Variants in GDF7 observed in about 807,000 individuals in gnomAD.
The protein encoded by GDF7 is growth differentiation factor 7.
A neutral mutation model predicts 13.4 loss-of-function variants in GDF7; 12 were observed. The ratio of observed to expected loss-of-function variants is 0.90; its 90% confidence interval spans 0.57 to 1.45. The LOEUF (loss-of-function observed/expected upper bound fraction) is 1.45. Among genes scored for constraint, GDF7 ranks in the 40% most tolerant of loss-of-function variants. GDF7 has a pLI of 0.00. For synonymous variants in GDF7, 330 were observed against 306.4 expected (o/e 1.08, Z -0.80); for missense variants, 651 against 652.4 (o/e 1.00, Z 0.02).
In GDF7 at chr2:20,673,856, C is replaced by T. The variant is rs925848091; in HGVS notation, c.*2431C>T. The T allele has an allele frequency of 8.5e-5, 13 of 152,200 alleles. No homozygotes were observed. The highest frequency in any genetic ancestry group is 2.9e-4 in the African/African-American group (12 of 41,432). 9.4% of individuals were successfully genotyped at this position (152,200 alleles called of 1,614,324 possible). A position where few individuals can be genotyped will look rare whatever the true frequency, so the allele number is the denominator to read the frequency against. ...GGACAGTGACTGTTCCTTCCATGGCCCCATACCCTCAGTGTGCTCTTTGTT... is the reference window on the plus strand; with the variant it reads ...GGACAGTGACTGTTCCTTCCATGGCTCCATACCCTCAGTGTGCTCTTTGTT... On this transcript the variant is annotated 3_prime_UTR_variant, in exon 2 of 2. Coordinates refer to ENST00000272224, the MANE Select transcript of GDF7 (RefSeq NM_182828.4).
At position 20,671,488 on chromosome 2, in the gene GDF7, G is replaced by C. The variant is rs1022732747; in HGVS notation, c.*63G>C. 1 of 1,542,244 alleles carries C rather than the reference G, an allele frequency of 6.5e-7. No individual in the cohort carries two copies. The highest frequency in any genetic ancestry group is 2.3e-5 in the East Asian group (1 of 42,966). On this transcript the variant is annotated 3_prime_UTR_variant, in exon 2 of 2. Transcript: ENST00000272224. Reference sequence around the variant, plus strand: ...ATCCCCAGCTGATGAGCAGCAGCGGGCCACCCTGTCACCGAGCGTGGGTGC... The same window carrying C: ...ATCCCCAGCTGATGAGCAGCAGCGGCCCACCCTGTCACCGAGCGTGGGTGC...
In GDF7 at chr2:20,670,709, G is replaced by A. The variant is rs757919655; in HGVS notation, c.637G>A (p.Val213Met). ...CGGTCAGCGCTGGGAGGCGTTCGAC[G>A]TGGCGGACGCCATGAGGCGCCACCG... is the stretch of plus-strand genomic sequence containing the variant. ...LVGQRWEAFDVADAMRRHRRE... is the reference protein window; with the variant it reads ...LVGQRWEAFDMADAMRRHRRE... The change falls in exon 2 of 2, where the codon GTG becomes ATG. Residue 213 changes from valine (V) to methionine (M), a missense_variant. By Grantham distance (21) the Val-to-Met change is conservative (BLOSUM62 1). This residue lies in a region of GDF7 where 487 missense variants were observed against 445.9 expected (regional missense o/e 1.09). Coordinates refer to ENST00000272224, the MANE Select transcript of GDF7 (RefSeq NM_182828.4). 7 of 1,477,848 alleles carry A rather than the reference G, an allele frequency of 4.7e-6. No individual in the cohort carries two copies. Among genetic ancestry groups the A allele is most frequent in the Admixed American group, 2.3e-5 (1 of 42,616 alleles). 91.5% of individuals were successfully genotyped at this position (1,477,848 alleles called of 1,614,324 possible). A position where few individuals can be genotyped will look rare whatever the true frequency, so the allele number is the denominator to read the frequency against.
At position 20,667,634 on chromosome 2, in the gene GDF7, CT is replaced by C; in HGVS notation, c.391+6del. ...TTCACAGACCAGGCGACCCAAGGTA[CT>C]TACGCCTCTTCTGTGCCCGCCCATC... On this transcript the variant is annotated splice_donor_5th_base_variant and intron_variant, in intron 1 of 1. Coordinates refer to ENST00000272224, the MANE Select transcript of GDF7 (RefSeq NM_182828.4). The surrounding 1 kb of genome is among the most constrained non-coding windows in gnomAD (Gnocchi z 6.4). 1 of 1,468,818 alleles carries C rather than the reference CT, an allele frequency of 6.8e-7. No individual in the cohort carries two copies. Among genetic ancestry groups the C allele is most frequent in the Non-Finnish European group, 9.0e-7 (1 of 1,114,966 alleles). 91.0% of individuals were successfully genotyped at this position (1,468,818 alleles called of 1,614,324 possible).
Position 20,671,080 on chromosome 2 carries a change from C to T in GDF7, c.1008C>T (p.Gly336=), listed in dbSNP as rs763741972. Residue 336 remains glycine, a synonymous_variant, in exon 2 of 2, where the codon GGC becomes GGT. Transcript: ENST00000272224. ...GGACAGCGCAGGGCAGCGGCGGGGG[C>T]GCGGGCCGGGGCCACGGGCGCAGGG... ...GTRTAQGSGG[G]AGRGHGRRGR... The T allele has an allele frequency of 6.7e-7, 1 of 1,503,274 alleles. No homozygotes were observed. The highest frequency in any genetic ancestry group is 2.4e-5 in the Admixed American group (1 of 42,524). 93.1% of individuals were successfully genotyped at this position (1,503,274 alleles called of 1,614,324 possible). A position where few individuals can be genotyped will look rare whatever the true frequency, so the allele number is the denominator to read the frequency against.
At position 20,670,830 on chromosome 2, in the gene GDF7, G is replaced by A. The variant is rs777529424; in HGVS notation, c.758G>A (p.Gly253Asp). The change falls in exon 2 of 2, where the codon GGC (glycine) becomes GAC (aspartate). Residue 253 changes from glycine to aspartate, a missense_variant. Physicochemically the swap from Gly to Asp is moderately conservative, Grantham distance 94 (BLOSUM62 -1). Around this residue, in one of 4 missense-constraint regions of GDF7, gnomAD observed 487 missense variants for 445.9 expected, o/e 1.09. Coordinates refer to ENST00000272224, the MANE Select transcript of GDF7 (RefSeq NM_182828.4). The stretch of plus-strand genomic sequence containing the variant: ...TTGGCACTGCGGCGGCTGGGCTTCG[G>A]CTGGCCGGGCGGAGGGGGCTCTGCG... Reference protein sequence around the residue: ...SPLALRRLGFGWPGGGGSAAE... With the variant: ...SPLALRRLGFDWPGGGGSAAE... 4 of 1,493,326 alleles carry A rather than the reference G, an allele frequency of 2.7e-6. No homozygotes were observed. In the Admixed American group the frequency reaches 6.5e-5, roughly 24 times the overall value. 92.5% of individuals were successfully genotyped at this position (1,493,326 alleles called of 1,614,324 possible). A position where few individuals can be genotyped will look rare whatever the true frequency, so the allele number is the denominator to read the frequency against.
rs1374804786 is a variant in GDF7 at position 20,671,647 on chromosome 2, C to T, written c.*222C>T. 3 of 566,666 alleles carry T rather than the reference C, an allele frequency of 5.3e-6. No individual in the cohort carries two copies. The highest frequency in any genetic ancestry group is 3.1e-6 in the Non-Finnish European group (1 of 317,720). 35.1% of individuals were successfully genotyped at this position (566,666 alleles called of 1,614,324 possible). ...TTGGGAAGAGATGACCTGCCGGTAC[C>T]GAATGTCAAAGCCCTGTGTATTTTG... On this transcript the variant is annotated 3_prime_UTR_variant, in exon 2 of 2. Transcript: ENST00000272224.
rs1373234410 is a variant in GDF7, at chr2:20,671,078, G to T, written c.1006G>T (p.Gly336Cys). The T allele has an allele frequency of 8.6e-6, 13 of 1,504,268 alleles. No homozygotes were observed. Among genetic ancestry groups the T allele is most frequent in the Non-Finnish European group, 1.2e-5 (13 of 1,128,832 alleles). The allele number at this position is 1,504,268 out of a possible 1,614,324, so 93.2% of individuals were successfully genotyped here. The change falls in exon 2 of 2, where the codon GGC becomes TGC. Residue 336 changes from glycine (G) to cysteine (C), a missense_variant. Physicochemically the swap from Gly to Cys is radical, Grantham distance 159 (BLOSUM62 -3). This residue lies in a region of GDF7 where 487 missense variants were observed against 445.9 expected (regional missense o/e 1.09). Coordinates refer to ENST00000272224, the MANE Select transcript of GDF7 (RefSeq NM_182828.4). ...GTRTAQGSGG[G>C]AGRGHGRRGR... ...GCGGACAGCGCAGGGCAGCGGCGGG[G>T]GCGCGGGCCGGGGCCACGGGCGCAG...
chr2:20,669,568 C>G (rs967541406), intron 1 of GDF7, among the ~76,000 whole-genome samples: 3 of 152,236 alleles, frequency 2.0e-5, no homozygotes, highest in African/African-American at 4.8e-5. Flanking sequence ...AGCGAGACCT[C>G]GTTTGGGACG....
In GDF7 at chr2:20,671,337, C is replaced by T; in HGVS notation, c.1265C>T (p.Pro422Leu). The change falls in exon 2 of 2, where the codon CCC becomes CTC. Residue 422 changes from proline (P) to leucine (L), a missense_variant. This residue lies in a region of GDF7 where 101 missense variants were observed against 139.2 expected (regional missense o/e 0.73). Coordinates refer to ENST00000272224, the MANE Select transcript of GDF7 (RefSeq NM_182828.4). ...TGCTGTGTGCCAGCGCGCCTCAGCCCCATCAGCATCCTCTACATCGACGCC... is the reference window on the plus strand; with the variant it reads ...TGCTGTGTGCCAGCGCGCCTCAGCCTCATCAGCATCCTCTACATCGACGCC... The part of the protein sequence containing the change: ...ASCCVPARLS[P>L]ISILYIDAAN... The T allele has an allele frequency of 6.2e-7, 1 of 1,613,462 alleles. No homozygotes were observed. The highest frequency in any genetic ancestry group is 2.2e-5 in the East Asian group (1 of 44,846).
At position 20,671,556 on chromosome 2, in the gene GDF7, C is replaced by T. The variant is rs188107344; in HGVS notation, c.*131C>T. ...GCACCCTCTCAGAGGAGGGAGAGCA[C>T]ACGTTCACACTCACACACACTCGTG... On this transcript the variant is annotated 3_prime_UTR_variant, in exon 2 of 2. Coordinates refer to ENST00000272224, the MANE Select transcript of GDF7 (RefSeq NM_182828.4). 22 of 834,374 alleles carry T rather than the reference C, an allele frequency of 2.6e-5. 1 individual carries two copies. The Admixed American group carries it at 4.0e-4, about 15-fold the overall frequency. 51.7% of individuals were successfully genotyped at this position (834,374 alleles called of 1,614,324 possible). A position where few individuals can be genotyped will look rare whatever the true frequency, so the allele number is the denominator to read the frequency against.
chr2:20,677,633 G>A lies in GDF7; in HGVS notation c.*6208G>A, dbSNP rs572795747. On this transcript the variant is annotated 3_prime_UTR_variant, in exon 2 of 2. Transcript: ENST00000272224. Reference sequence around the variant, plus strand: ...CGTTAACAGGCATCCTGCTGAATTAGAAGGAAACAGGAACGAATCCAAAGC... The same window carrying A: ...CGTTAACAGGCATCCTGCTGAATTAAAAGGAAACAGGAACGAATCCAAAGC... The A allele has an allele frequency of 2.6e-5, 4 of 152,398 alleles. No homozygotes were observed. The East Asian group carries it at 7.7e-4, about 29-fold the overall frequency. 9.4% of individuals were successfully genotyped at this position (152,398 alleles called of 1,614,324 possible).
Position 20,667,340 on chromosome 2 carries a change from C to T in GDF7, c.101C>T (p.Ala34Val). Residue 34 changes from alanine (A) to valine (V), a missense_variant, in exon 1 of 2, where the codon GCT (alanine) becomes GTT (valine). Physicochemically the swap from Ala to Val is moderately conservative, Grantham distance 64. Transcript: ENST00000272224. The surrounding 1 kb of genome is among the most constrained non-coding windows in gnomAD (Gnocchi z 6.4). ...EAAAVLRAAG[A>V]GPVRSPGGGG... ...GCCGCCGTGCTGCGAGCGGCGGGGGCTGGGCCGGTCCGGAGCCCAGGGGGC... is the reference window on the plus strand; with the variant it reads ...GCCGCCGTGCTGCGAGCGGCGGGGGTTGGGCCGGTCCGGAGCCCAGGGGGC... 3.9e-6 allele frequency: 4 copies of T among 1,017,030 alleles called. No homozygotes were observed. The highest frequency in any genetic ancestry group is 4.7e-6 in the Non-Finnish European group (4 of 858,508). 63.0% of individuals were successfully genotyped at this position (1,017,030 alleles called of 1,614,324 possible). A position where few individuals can be genotyped will look rare whatever the true frequency, so the allele number is the denominator to read the frequency against.
chr2:20,678,835 G>GT lies in GDF7; in HGVS notation c.*7411dup, dbSNP rs1662276691. On this transcript the variant is annotated 3_prime_UTR_variant, in exon 2 of 2. Coordinates refer to ENST00000272224, the MANE Select transcript of GDF7 (RefSeq NM_182828.4). ...GGCTTGGGAGTAAGGAGATTGGAGTGTGGGGGGACATTAGAAACTCATTTA... is the reference window on the plus strand; with the variant it reads ...GGCTTGGGAGTAAGGAGATTGGAGTGTTGGGGGGACATTAGAAACTCATTTA... The GT allele has an allele frequency of 6.6e-6, 1 of 152,236 alleles. No individual in the cohort carries two copies. The highest frequency in any genetic ancestry group is 6.5e-5 in the Admixed American group (1 of 15,284). 9.4% of individuals were successfully genotyped at this position (152,236 alleles called of 1,614,324 possible).
chr2:20,667,227 G>A lies in GDF7; in HGVS notation c.-13G>A. ...GGAGCCCGCGCCGCCCGCCCGCCCG[G>A]CCCACGGAGCCCATGGACCTGAGCG... On this transcript the variant is annotated 5_prime_UTR_variant, in exon 1 of 2. Coordinates refer to ENST00000272224, the MANE Select transcript of GDF7 (RefSeq NM_182828.4). The surrounding 1 kb of genome is among the most constrained non-coding windows in gnomAD (Gnocchi z 6.4). 3 of 1,182,752 alleles carry A rather than the reference G, an allele frequency of 2.5e-6. No homozygotes were observed. The highest frequency in any genetic ancestry group is 3.1e-6 in the Non-Finnish European group (3 of 957,138). The allele number at this position is 1,182,752 out of a possible 1,614,324, so 73.3% of individuals were successfully genotyped here.
At chr2:20,670,370 C>A in intron 1 of GDF7, 94 bp from the exon 2 acceptor site, 1 of 1,322,842 alleles carries the variant, frequency 7.6e-7, no homozygotes, top group Non-Finnish European at 9.8e-7. Flanking sequence ...TCGAAGACAG[C>A]TGGGCCATTT....
rs1662174647 is a variant in GDF7 at position 20,673,932 on chromosome 2, CCCAGGGGCCACT to C, written c.*2509_*2520del. On this transcript the variant is annotated 3_prime_UTR_variant, in exon 2 of 2. Transcript: ENST00000272224. ...GATTTCCTCTGGAGCAGGTGAAGCC[CCCAGGGGCCACT>C]CTGCCCAGCCCTCTGGCATCTCAGT... The C allele has an allele frequency of 6.6e-6, 1 of 152,222 alleles. No homozygotes were observed. Among genetic ancestry groups the C allele is most frequent in the Admixed American group, 6.5e-5 (1 of 15,282 alleles). The allele number at this position is 152,222 out of a possible 1,614,324, so 9.4% of individuals were successfully genotyped here. A position where few individuals can be genotyped will look rare whatever the true frequency, so the allele number is the denominator to read the frequency against.
Position 20,671,038 on chromosome 2 carries a change from G to A in GDF7, c.966G>A (p.Thr322=), listed in dbSNP as rs542280550. The part of the protein sequence containing the change: ...AVIGGRRRRR[T]ALAGTRTAQG... ...TTGGCGGCCGCAGACGGAGGAGGAC[G>A]GCGTTGGCCGGGACGCGGACAGCGC... is the stretch of plus-strand genomic sequence containing the variant. Residue 322 remains threonine, a synonymous_variant, in exon 2 of 2, where the codon ACG becomes ACA. Transcript: ENST00000272224. The A allele has an allele frequency of 8.6e-6, 13 of 1,517,688 alleles. 1 individual carries two copies. In the East Asian group the frequency reaches 2.7e-4, roughly 31 times the overall value. The allele number at this position is 1,517,688 out of a possible 1,614,324, so 94.0% of individuals were successfully genotyped here. A position where few individuals can be genotyped will look rare whatever the true frequency, so the allele number is the denominator to read the frequency against.
rs1395578931 is a variant in GDF7 at position 20,673,627 on chromosome 2, T to C, written c.*2202T>C. 6.6e-6 allele frequency: 1 copy of C among 152,256 alleles called. No individual in the cohort carries two copies. The highest frequency in any genetic ancestry group is 1.5e-5 in the Non-Finnish European group (1 of 68,048). 9.4% of individuals were successfully genotyped at this position (152,256 alleles called of 1,614,324 possible). Reference sequence around the variant, plus strand: ...ATAAAAGCAAACATTTTGATACTTTTTTAGTGACTAGTAAAAACAATTTTT... The same window carrying C: ...ATAAAAGCAAACATTTTGATACTTTCTTAGTGACTAGTAAAAACAATTTTT... On this transcript the variant is annotated 3_prime_UTR_variant, in exon 2 of 2. Coordinates refer to ENST00000272224, the MANE Select transcript of GDF7 (RefSeq NM_182828.4).
Position 20,670,991 on chromosome 2 carries a change from A to G in GDF7, c.919A>G (p.Thr307Ala), listed in dbSNP as rs563260765. ...SEPLPDPGTG[T>A]ASPRAVIGGR... ...GCCGCTGCCCGACCCAGGAACCGGC[A>G]CCGCGTCGCCAAGGGCAGTCATTGG... The change falls in exon 2 of 2, where the codon ACC becomes GCC. Residue 307 changes from threonine (T) to alanine (A), a missense_variant. Thr to Ala is a moderately conservative substitution (Grantham distance 58). Around this residue, in one of 4 missense-constraint regions of GDF7, gnomAD observed 487 missense variants for 445.9 expected, o/e 1.09. Coordinates refer to ENST00000272224, the MANE Select transcript of GDF7 (RefSeq NM_182828.4). 374 of 1,552,432 alleles carry G rather than the reference A, an allele frequency of 2.4e-4. No homozygotes were observed. The highest frequency in any genetic ancestry group is 3.2e-4 in the Non-Finnish European group (366 of 1,154,392).
Sources: allele counts gnomAD v4.1 joint callset (sites outside exome capture counted in the v4.1 genomes callset), GRCh38; gene constraint gnomAD v4.1.1; regional missense constraint gnomAD v4.1.1; non-coding constraint Gnocchi (gnomAD v3.1); transcripts MANE v1.5; gene names NCBI Gene and HGNC (gene_info 2026-07-23, HGNC 2026-07-21).